The following EXD3 variants were observed in gnomAD, a reference collection of about 807,000 sequenced individuals.
The protein encoded by EXD3 is exonuclease mut-7 homolog.
EXD3 carries 92 observed loss-of-function variants against 98.0 expected under a neutral mutation model. The observed-to-expected ratio is 0.94, with a 90% CI of 0.79 to 1.12. The LOEUF (loss-of-function observed/expected upper bound fraction) is 1.12. Ranked by LOEUF, EXD3 falls within the 50% of genes most tolerant of loss-of-function variation. The pLI is 0.00. For missense variants in EXD3, 1,222 were observed against 1,191.6 expected (o/e 1.03, Z -0.38); for synonymous variants, 569 against 526.0 (o/e 1.08, Z -1.12).
intron 3 of EXD3, among the ~76,000 whole-genome samples, chr9:137,373,880 T>C (rs963321449): frequency 6.6e-6 from 1 of 152,228 alleles, no homozygotes; most frequent in African/African-American, 2.4e-5. Context: ...GAGGCAACCG[T>C]AGCCCGAGCC....
chr9:137,348,944 C>A (rs2119212829), intron 16 of EXD3, among the ~76,000 whole-genome samples, 166 bp downstream of exon 16: 1 of 152,168 alleles, frequency 6.6e-6, no homozygotes, highest in South Asian at 2.1e-4. Flanking sequence ...CCGTGACAGT[C>A]ATGCAGGAGG....
chr9:137,356,168 G>T, intron 8 of EXD3, 100 bp downstream of exon 8: 1 of 873,476 alleles, frequency 1.1e-6, no homozygotes, highest in Non-Finnish European at 1.8e-6. Flanking sequence ...GTCTTGGTTG[G>T]CACCTGAACA....
chr9:137,384,274 G>A (rs1178495762), intron 2 of EXD3, among the ~76,000 whole-genome samples: 3 of 152,202 alleles, frequency 2.0e-5, no homozygotes, highest in Admixed American at 6.5e-5. Context: ...TGCCACACAC[G>A]CCAGAGAAGC....
chr9:137,344,607 G>C (rs10120415), intron 17 of EXD3, among the ~76,000 whole-genome samples: 2 of 152,182 alleles, frequency 1.3e-5, no homozygotes, highest in Admixed American at 1.3e-4. Flanking sequence ...AGCTTTTCAG[G>C]TTACACTTTT....
At chr9:137,345,661 CA>C (rs766460447) in intron 17 of EXD3, 8,575 of 105,942 alleles carry the variant, frequency 0.081, 357 homozygotes, top group Middle Eastern at 0.19. Flanking sequence ...GGCTTTGTCT[CA>C]AAAAAAAAAA....
In EXD3 at chr9:137,385,372, G is replaced by A. The variant is rs1183665513; in HGVS notation, c.56-1995C>T. 1.3e-5 allele frequency among the ~76,000 whole-genome samples: 2 copies of A among 151,928 alleles called. No homozygotes were observed. Among genetic ancestry groups the A allele is most frequent in the African/African-American group, 4.8e-5 (2 of 41,388 alleles). On this transcript the variant is annotated intron_variant, in intron 2 of 21. Transcript: ENST00000340951. This position sits in a 1 kb window ranked among gnomAD's most constrained non-coding sequence, Gnocchi z 4.4. Reference sequence around the variant, plus strand: ...GCAGTGTGACTGGCCCCGCATTCTGGGTGCTGCATGCTGGGCATGGCTGGC... The same window carrying A: ...GCAGTGTGACTGGCCCCGCATTCTGAGTGCTGCATGCTGGGCATGGCTGGC...
chr9:137,366,131 C>T (rs780894966), intron 7 of EXD3: 19 of 698,238 alleles, frequency 2.7e-5, no homozygotes, highest in South Asian at 1.3e-4. Context: ...TGCTGACAGA[C>T]GTCACACACC....
At chr9:137,338,837 G>C (rs1833505563) in intron 17 of EXD3, among the ~76,000 whole-genome samples, 1 of 149,006 alleles carries the variant, frequency 6.7e-6, no homozygotes, top group African/African-American at 2.5e-5. Flanking sequence ...AGCTTGTAGT[G>C]AGCCAAGATC....
intron 3 of EXD3, among the ~76,000 whole-genome samples, chr9:137,376,437 T>C (rs888395576): frequency 1.3e-5 from 2 of 150,954 alleles, no homozygotes; most frequent in Admixed American, 6.6e-5. Context: ...CATCTATCCA[T>C]GTGCTTAGAG....
At position 137,309,700 on chromosome 9, in the gene EXD3, C is replaced by T. The variant is rs1831262395; in HGVS notation, c.2185G>A (p.Ala729Thr). ...TTTAGGTACTGGTCACAGTTACAGG[C>T]CTGGGGGCCAGAGGGGGTGCTGAGG... ...THADIFSRCQ[A>T]CNCDQYLKVS... Residue 729 changes from alanine to threonine, a missense_variant and splice_region_variant, in exon 20 of 22, where the codon GCC becomes ACC. By Grantham distance (58) the Ala-to-Thr change is moderately conservative. Transcript: ENST00000340951. 6.4e-7 allele frequency: 1 copy of T among 1,552,568 alleles called. No homozygotes were observed. The highest frequency in any genetic ancestry group is 8.7e-7 in the Non-Finnish European group (1 of 1,148,176).
At position 137,407,272 on chromosome 9, in the gene EXD3, C is replaced by T. The variant is rs1003501342; in HGVS notation, c.-47-11868G>A. On this transcript the variant is annotated intron_variant, in intron 1 of 21. Coordinates refer to ENST00000340951, the MANE Select transcript of EXD3 (RefSeq NM_017820.5). The surrounding 1 kb of genome is among the most constrained non-coding windows in gnomAD (Gnocchi z 4.4). ...GGGTCTCCGTTTCCCACCAGGCCAG[C>T]GCTGCAGGCAGAGCCCAGCCCGGCG... Among the ~76,000 whole-genome samples, 2 of 152,238 alleles carry T rather than the reference C, an allele frequency of 1.3e-5. No individual in the cohort carries two copies. The highest frequency in any genetic ancestry group is 4.8e-5 in the African/African-American group (2 of 41,468).
intron 19 of EXD3, among the ~76,000 whole-genome samples, chr9:137,310,618 C>T (rs913650031): frequency 6.6e-6 from 1 of 152,188 alleles, no homozygotes; most frequent in Non-Finnish European, 1.5e-5. Context: ...GACCAGCTTA[C>T]ACCCGAGTCC....
chr9:137,351,736 G>T (rs1414393376), intron 12 of EXD3, among the ~76,000 whole-genome samples: 1 of 152,220 alleles, frequency 6.6e-6, no homozygotes, highest in African/African-American at 2.4e-5. Context: ...AGAGAGGGAG[G>T]CCTGGCTGTT....
At chr9:137,376,463 C>T (rs1242123176) in intron 3 of EXD3, among the ~76,000 whole-genome samples, 6 of 151,852 alleles carry the variant, frequency 4.0e-5, no homozygotes, top group African/African-American at 1.2e-4. Context: ...GAGCAGAACT[C>T]GCCTGCAGGA....
At chr9:137,387,764 C>T (rs1836679576) in intron 2 of EXD3, among the ~76,000 whole-genome samples, 1 of 152,244 alleles carries the variant, frequency 6.6e-6, no homozygotes, top group African/African-American at 2.4e-5. Flanking sequence ...GAAGCCCCAG[C>T]CAGCCCTCCC....
intron 17 of EXD3, among the ~76,000 whole-genome samples, chr9:137,328,565 G>T (rs1411497134): frequency 6.8e-6 from 1 of 147,880 alleles, no homozygotes; most frequent in Admixed American, 6.7e-5. Context: ...GGAAGAAACA[G>T]ACTAGTTACA....
intron 3 of EXD3, 76 bp downstream of exon 3, chr9:137,383,237 T>G: frequency 3.9e-6 from 5 of 1,274,626 alleles, no homozygotes; most frequent in Non-Finnish European, 5.6e-6. Flanking sequence ...GGAGGCCTCC[T>G]GTTAGGCCAG....
intron 8 of EXD3, among the ~76,000 whole-genome samples, chr9:137,355,690 A>AAAGGAGG (rs1834719165): frequency 4.3e-5 from 1 of 23,162 alleles, no homozygotes; most frequent in African/African-American, 1.5e-4. Context: ...GAGGAAGGAG[A>AAAGGAGG]AAGGGAGGAA....
intron 3 of EXD3, among the ~76,000 whole-genome samples, chr9:137,377,482 A>C (rs573118812): frequency 6.6e-6 from 1 of 151,502 alleles, no homozygotes; most frequent in African/African-American, 2.4e-5. Flanking sequence ...AGATTTCAAA[A>C]AGGACCTAAG....
Sources: allele counts gnomAD v4.1 joint callset (sites outside exome capture counted in the v4.1 genomes callset), GRCh38; gene constraint gnomAD v4.1.1; non-coding constraint Gnocchi (gnomAD v3.1); transcripts MANE v1.5; gene names NCBI Gene and HGNC (gene_info 2026-07-23, HGNC 2026-07-21).